Variants in MAN2A1 observed in about 807,000 individuals in gnomAD.
The protein encoded by MAN2A1 is alpha-mannosidase 2.
Under a neutral mutation model 142.6 loss-of-function variants are expected in MAN2A1, and 76 were observed. The observed-to-expected ratio is 0.53, with a 90% CI of 0.44 to 0.65. The LOEUF (loss-of-function observed/expected upper bound fraction) is 0.65. Among genes scored for constraint, MAN2A1 ranks in the 30% least tolerant of loss-of-function variants. The probability of loss-of-function intolerance (pLI) is 0.00; values close to 1 mark genes in which losing one functional copy is unlikely to be tolerated. For missense variants in MAN2A1, 1,311 were observed against 1,365.1 expected, an observed-to-expected ratio of 0.96 and a Z score of 0.62; for synonymous variants, 559 against 473.2, an observed-to-expected ratio of 1.18 and a Z score of -2.35.
chr5:109,832,965 G>C (rs1469217177), intron 16 of MAN2A1, among the ~76,000 whole-genome samples: 1 of 151,900 alleles, frequency 6.6e-6, no homozygotes, highest in African/African-American at 2.4e-5. Flanking sequence ...GTGGCGGTCG[G>C]GCACAGACAC....
intron 17 of MAN2A1, among the ~76,000 whole-genome samples, chr5:109,843,479 C>T (rs1206018456): frequency 6.6e-6 from 1 of 152,144 alleles, no homozygotes; most frequent in Non-Finnish European, 1.5e-5. Context: ...TAGTTGTCCT[C>T]ATAAGGAATT....
At chr5:109,697,750 T>C (rs1418562458) in intron 1 of MAN2A1, among the ~76,000 whole-genome samples, 1 of 152,230 alleles carries the variant, frequency 6.6e-6, no homozygotes, top group African/African-American at 2.4e-5. Context: ...AAACTATATT[T>C]CTCTATTGTT....
Position 109,798,221 on chromosome 5 carries a change from C to T in MAN2A1, c.1943+8694C>T, listed in dbSNP as rs149318835. On this transcript the variant is annotated intron_variant, in intron 12 of 21. Transcript: ENST00000261483. ...TTAATGCCTGAAATAGGTGGAGAGG[C>T]AGGAGCATATAGGAGATCCTAAATA... 7.9e-4 allele frequency among the ~76,000 whole-genome samples: 121 copies of T among 152,292 alleles called. No homozygotes were observed. In the East Asian group the frequency reaches 0.017, roughly 22 times the overall value.
chr5:109,791,784 A>T (rs1428691780), intron 12 of MAN2A1, among the ~76,000 whole-genome samples: 1 of 152,058 alleles, frequency 6.6e-6, no homozygotes, highest in African/African-American at 2.4e-5. Context: ...GTAAATGTCT[A>T]AAAAGAGTCC....
rs898822404 is a variant in MAN2A1, at chr5:109,690,091, C to G, written c.-327C>G. 3.6e-5 allele frequency: 10 copies of G among 278,480 alleles called. No individual in the cohort carries two copies. The highest frequency in any genetic ancestry group is 4.8e-5 in the Non-Finnish European group (7 of 144,530). 17.3% of individuals were successfully genotyped at this position (278,480 alleles called of 1,614,324 possible). A position where few individuals can be genotyped will look rare whatever the true frequency, so the allele number is the denominator to read the frequency against. On this transcript the variant is annotated 5_prime_UTR_variant, in exon 1 of 22. Transcript: ENST00000261483. ...CAGGAAGTGCGGGCAGCGACCTCTCCTCCGCCTGCCCCGCGCGCCCTGCCG... is the reference window on the plus strand; with the variant it reads ...CAGGAAGTGCGGGCAGCGACCTCTCGTCCGCCTGCCCCGCGCGCCCTGCCG...
intron 5 of MAN2A1, among the ~76,000 whole-genome samples, chr5:109,756,632 G>T (rs1037342445): frequency 2.6e-5 from 4 of 152,110 alleles, no homozygotes; most frequent in Non-Finnish European, 4.4e-5. Context: ...CTGTTTCCGT[G>T]TTGTTGTAGT....
At chr5:109,734,032 A>G (rs1259217649) in intron 4 of MAN2A1, among the ~76,000 whole-genome samples, 2 of 152,094 alleles carry the variant, frequency 1.3e-5, no homozygotes, top group Non-Finnish European at 2.9e-5. Context: ...TATTGCCACA[A>G]TTTCAGCTCC....
chr5:109,767,491 A>G, intron 5 of MAN2A1, 44 bp from the exon 6 acceptor site: 1 of 1,523,880 alleles, frequency 6.6e-7, no homozygotes, highest in Non-Finnish European at 9.0e-7. Flanking sequence ...TTTTTATTTC[A>G]TATATCAATT....
chr5:109,800,789 G>A (rs1023748088), intron 12 of MAN2A1, among the ~76,000 whole-genome samples: 6 of 152,086 alleles, frequency 3.9e-5, no homozygotes, highest in Non-Finnish European at 5.9e-5. Context: ...GAATGGTTGA[G>A]TGAAATATGG....
intron 19 of MAN2A1, among the ~76,000 whole-genome samples, chr5:109,849,541 C>T (rs968690026): frequency 1.3e-4 from 20 of 152,106 alleles, no homozygotes; most frequent in African/African-American, 4.8e-4. Flanking sequence ...TAATTGCCAT[C>T]ACCTATCTAT....
chr5:109,867,296 A>G lies in MAN2A1; in HGVS notation c.*298A>G, dbSNP rs1198543562. The G allele has an allele frequency of 5.2e-6, 1 of 193,382 alleles. No individual in the cohort carries two copies. Among genetic ancestry groups the G allele is most frequent in the East Asian group, 1.2e-4 (1 of 8,368 alleles). The allele number at this position is 193,382 out of a possible 1,614,324, so 12.0% of individuals were successfully genotyped here. On this transcript the variant is annotated 3_prime_UTR_variant, in exon 22 of 22. Transcript: ENST00000261483. ...TAAAGACAGCCTCTCAACAGATTGT[A>G]TCTCAGGTTAAATGCTAACTAATTA...
intron 20 of MAN2A1, among the ~76,000 whole-genome samples, chr5:109,857,731 C>T (rs148424644): frequency 3.9e-5 from 6 of 152,282 alleles, no homozygotes; most frequent in East Asian, 3.9e-4. Context: ...AATCTAATCA[C>T]TTCTCAGATG....
intron 1 of MAN2A1, among the ~76,000 whole-genome samples, chr5:109,696,515 G>A (rs1750816856): frequency 6.6e-6 from 1 of 152,208 alleles, no homozygotes; most frequent in African/African-American, 2.4e-5. Context: ...CCTCTATCCA[G>A]GCTTTGTAAC....
chr5:109,794,047 T>A (rs1753801114), intron 12 of MAN2A1: 1 of 152,190 alleles, frequency 6.6e-6, no homozygotes, highest in African/African-American at 2.4e-5. Flanking sequence ...TCTCTACCAG[T>A]TGTTTACACA....
At chr5:109,782,097 A>G (rs976483006) in intron 9 of MAN2A1, among the ~76,000 whole-genome samples, 1 of 152,176 alleles carries the variant, frequency 6.6e-6, no homozygotes, top group Non-Finnish European at 1.5e-5. Context: ...CTCAGTTCTT[A>G]CATACTTATT....
At chr5:109,781,107 GA>G (rs1291568016) in intron 8 of MAN2A1, among the ~76,000 whole-genome samples, 92 of 152,084 alleles carry the variant, frequency 6.0e-4, no homozygotes, top group African/African-American at 2.0e-3. Flanking sequence ...TGAAATTCTA[GA>G]GATATGTAGG....
Position 109,690,726 on chromosome 5 carries a change from C to G in MAN2A1, c.135+174C>G, listed in dbSNP as rs562588147. ...ATCACCTCCTGGGAGCCACCTCGCC[C>G]GGGCGCGCCAAGTTAACAAAGTGCT... On this transcript the variant is annotated intron_variant, in intron 1 of 21. Coordinates refer to ENST00000261483, the MANE Select transcript of MAN2A1 (RefSeq NM_002372.4). Among the ~76,000 whole-genome samples the G allele has an allele frequency of 4.4e-4, 67 of 152,274 alleles. 1 individual carries two copies. The highest frequency in any genetic ancestry group is 6.8e-3 in the Middle Eastern group (2 of 294).
intron 15 of MAN2A1, among the ~76,000 whole-genome samples, 156 bp from the exon 16 acceptor site, chr5:109,823,567 A>G (rs1413561471): frequency 1.3e-5 from 2 of 152,220 alleles, no homozygotes; most frequent in East Asian, 1.9e-4. Flanking sequence ...AGTTTTTATC[A>G]CATGCATATT....
intron 1 of MAN2A1, among the ~76,000 whole-genome samples, chr5:109,694,658 G>GT (rs33993965): frequency 0.24 from 35,438 of 146,514 alleles, 4,550 homozygotes; most frequent in East Asian, 0.58. Flanking sequence ...TGCCTTTTGT[G>GT]TTTTTTTTTT....
Sources: allele counts gnomAD v4.1 joint callset (sites outside exome capture counted in the v4.1 genomes callset), GRCh38; gene constraint gnomAD v4.1.1; transcripts MANE v1.5; gene names NCBI Gene and HGNC (gene_info 2026-07-23, HGNC 2026-07-21).